Variants in CBR4 observed in about 807,000 individuals in gnomAD.
CBR4 encodes the protein carbonyl reductase 4.
Under a neutral mutation model 21.0 loss-of-function variants are expected in CBR4, and 22 were observed. The observed-to-expected ratio is 1.05, with a 90% confidence interval of 0.75 to 1.50. The LOEUF (loss-of-function observed/expected upper bound fraction) is 1.50, where lower values mean the gene tolerates loss of function less well. CBR4 is among the 40% of genes most tolerant of loss of function. The pLI is 0.00. For synonymous variants in CBR4, 100 were observed against 104.4 expected, an observed-to-expected ratio of 0.96 and a Z score of 0.26; for missense variants, 302 against 286.3, an observed-to-expected ratio of 1.05 and a Z score of -0.40.
chr4:168,900,931 A>C (rs1756378957), intron 2 of CBR4, among the ~76,000 whole-genome samples: 1 of 152,252 alleles, frequency 6.6e-6, no homozygotes. Context: ...CACAAGGCTT[A>C]AGATCACTGA....
intron 4 of CBR4, among the ~76,000 whole-genome samples, chr4:168,998,432 A>C (rs968278347): frequency 2.6e-5 from 4 of 152,222 alleles, no homozygotes; most frequent in Non-Finnish European, 5.9e-5. Flanking sequence ...ACAGTCACAA[A>C]ACACCAAATA....
At chr4:168,919,056 C>G (rs1184126266) in intron 2 of CBR4, among the ~76,000 whole-genome samples, 2 of 152,084 alleles carry the variant, frequency 1.3e-5, no homozygotes, top group Non-Finnish European at 2.9e-5. Context: ...TATATACACA[C>G]TTACCATACT....
At chr4:169,007,304 CACAAACTGGCAAA>C (rs1730985776) in intron 2 of CBR4, among the ~76,000 whole-genome samples, 1 of 152,104 alleles carries the variant, frequency 6.6e-6, no homozygotes. Flanking sequence ...GTATTAAGTT[CACAAACTGGCAAA>C]ACTTATCTGT....
downstream of CBR4, among the ~76,000 whole-genome samples, chr4:168,984,437 C>T (rs189278531): frequency 1.2e-4 from 19 of 152,132 alleles, no homozygotes; most frequent in East Asian, 3.7e-3. Flanking sequence ...ATATTCTATG[C>T]TCATGGATAG....
At chr4:168,975,484 G>A (rs1764340489) in intron 2 of CBR4, among the ~76,000 whole-genome samples, 1 of 152,248 alleles carries the variant, frequency 6.6e-6, no homozygotes, top group Non-Finnish European at 1.5e-5. Context: ...CTGGGGCAGA[G>A]TTGTTCTGAG....
intron 2 of CBR4, among the ~76,000 whole-genome samples, chr4:168,947,153 A>G (rs1763416196): frequency 6.6e-6 from 1 of 152,114 alleles, no homozygotes; most frequent in Non-Finnish European, 1.5e-5. Flanking sequence ...AAGATATACA[A>G]TGTAAAATTT....
intron 2 of CBR4, among the ~76,000 whole-genome samples, chr4:168,978,810 A>G (rs999398928): frequency 1.3e-5 from 2 of 152,154 alleles, no homozygotes; most frequent in Non-Finnish European, 2.9e-5. Flanking sequence ...GAAGCAGACG[A>G]ACTACAGGCC....
rs1400721877 is a variant in CBR4 at position 169,010,180 on chromosome 4, A to AAAAAAAAAAG, written c.-101_-92dup. 4.2e-6 allele frequency: 5 copies of AAAAAAAAAAG among 1,183,504 alleles called. No homozygotes were observed. The highest frequency in any genetic ancestry group is 5.7e-6 in the Non-Finnish European group (5 of 875,770). 73.3% of individuals were successfully genotyped at this position (1,183,504 alleles called of 1,614,324 possible). A position where few individuals can be genotyped will look rare whatever the true frequency, so the allele number is the denominator to read the frequency against. On this transcript the variant is annotated 5_prime_UTR_variant, in exon 1 of 5. Coordinates refer to ENST00000306193, the MANE Select transcript of CBR4 (RefSeq NM_032783.5). ...CTTTTAAACAACCGCGGTTCCAAAA[A>AAAAAAAAAAG]AAAAAAAAAGAAAAAAAAAGGCAAA...
chr4:169,006,752 C>A lies in CBR4; in HGVS notation c.400+3G>T, dbSNP rs1405408040. The A allele has an allele frequency of 6.2e-7, 1 of 1,612,668 alleles. No homozygotes were observed. Among genetic ancestry groups the A allele is most frequent in the South Asian group, 1.1e-5 (1 of 90,936 alleles). On this transcript the variant is annotated splice_donor_region_variant and intron_variant, in intron 3 of 4. Coordinates refer to ENST00000306193, the MANE Select transcript of CBR4 (RefSeq NM_032783.5). ...TCATAAATTCACAAAGGTGAAGACT[C>A]ACCTACATTAACAATAGACCCTCCC...
chr4:168,929,182 T>C (rs1762881109), intron 2 of CBR4, among the ~76,000 whole-genome samples: 1 of 152,036 alleles, frequency 6.6e-6, no homozygotes, highest in African/African-American at 2.4e-5. Context: ...GAACAAGGAA[T>C]GAGATATTAC....
At chr4:168,937,332 A>G (rs1355800949) in intron 2 of CBR4, among the ~76,000 whole-genome samples, 1 of 152,208 alleles carries the variant, frequency 6.6e-6, no homozygotes, top group African/African-American at 2.4e-5. Context: ...GGAAAGGAAC[A>G]ATTGGTCCCA....
chr4:168,953,117 G>C (rs1763589791), intron 2 of CBR4, among the ~76,000 whole-genome samples: 2 of 152,152 alleles, frequency 1.3e-5, no homozygotes, highest in African/African-American at 4.8e-5. Flanking sequence ...TGTGGGTGAG[G>C]TTCCCAGGTC....
chr4:168,982,257 G>A (rs1764567537), intron 2 of CBR4, among the ~76,000 whole-genome samples: 1 of 152,004 alleles, frequency 6.6e-6, no homozygotes, highest in Non-Finnish European at 1.5e-5. Flanking sequence ...AAAGGAGCAG[G>A]GGTTGCTATT....
intron 2 of CBR4, chr4:168,896,503 A>C: frequency 9.0e-7 from 1 of 1,105,086 alleles, no homozygotes; most frequent in Non-Finnish European, 1.3e-6. Context: ...CTGCATTCTT[A>C]TTATTTCTAT....
intron 2 of CBR4, among the ~76,000 whole-genome samples, chr4:168,946,348 G>C (rs1763396386): frequency 6.6e-6 from 1 of 152,126 alleles, no homozygotes; most frequent in Non-Finnish European, 1.5e-5. Context: ...TATGGTCCAG[G>C]AACTCCAAAG....
intron 4 of CBR4, among the ~76,000 whole-genome samples, chr4:168,993,565 C>T (rs1361264607): frequency 1.3e-5 from 2 of 152,180 alleles, no homozygotes; most frequent in Admixed American, 1.3e-4. Flanking sequence ...AAAACCTCAT[C>T]TCACACTTGT....
intron 2 of CBR4, among the ~76,000 whole-genome samples, chr4:168,925,691 C>A (rs1762444833): frequency 6.6e-6 from 1 of 151,862 alleles, no homozygotes; most frequent in South Asian, 2.1e-4. Flanking sequence ...ATAAAAAAAA[C>A]ACTAGAAAAA....
In CBR4 at chr4:168,989,689, T is replaced by G; in HGVS notation, c.*461A>C. 1.0e-6 allele frequency: 1 copy of G among 982,692 alleles called. No homozygotes were observed. The highest frequency in any genetic ancestry group is 1.2e-6 in the Non-Finnish European group (1 of 827,422). 60.9% of individuals were successfully genotyped at this position (982,692 alleles called of 1,614,324 possible). ...AATTCATCATAATTAGACAATATAA[T>G]TTTTCCACTTTTGAGACAAAATATA... On this transcript the variant is annotated 3_prime_UTR_variant, in exon 5 of 5. Transcript: ENST00000306193.
intron 4 of CBR4, among the ~76,000 whole-genome samples, chr4:168,996,443 T>C (rs1161649573): frequency 7.5e-6 from 1 of 134,024 alleles, no homozygotes; most frequent in Non-Finnish European, 1.5e-5. Flanking sequence ...ATTACTAACA[T>C]CTTACCTTAG....
Sources: allele counts gnomAD v4.1 joint callset (sites outside exome capture counted in the v4.1 genomes callset), GRCh38; gene constraint gnomAD v4.1.1; transcripts MANE v1.5; gene names NCBI Gene and HGNC (gene_info 2026-07-23, HGNC 2026-07-21).